Variants in FAM13A observed in about 807,000 individuals in gnomAD.
The protein encoded by FAM13A is family with sequence similarity 13 member A.
Under a neutral mutation model 129.6 loss-of-function variants are expected in FAM13A, and 76 were observed. That is an observed-to-expected ratio of 0.59 (90% CI 0.49 to 0.71). The LOEUF is 0.71. Ranked by LOEUF, FAM13A falls within the 30% of genes least tolerant of loss-of-function variation. FAM13A has a pLI of 0.00. For synonymous variants in FAM13A, 443 were observed against 449.9 expected (o/e 0.98, Z 0.20); for missense variants, 1,108 against 1,249.3 (o/e 0.89, Z 1.70).
chr4:88,730,320 A>G (rs946869445), intron 23 of FAM13A, among the ~76,000 whole-genome samples: 1 of 152,218 alleles, frequency 6.6e-6, no homozygotes, highest in Non-Finnish European at 1.5e-5. Context: ...GCTTGTAAAC[A>G]TGAAAGACTA....
chr4:88,757,237 GACTA>G (rs1418308070), intron 14 of FAM13A, among the ~76,000 whole-genome samples: 6 of 152,070 alleles, frequency 3.9e-5, no homozygotes, highest in Admixed American at 1.3e-4. Flanking sequence ...ATAAATTTAT[GACTA>G]ACCAAGATAA....
At chr4:88,828,908 A>G (rs1733460482) in intron 7 of FAM13A, among the ~76,000 whole-genome samples, 1 of 152,258 alleles carries the variant, frequency 6.6e-6, no homozygotes, top group Admixed American at 6.5e-5. Context: ...TCTTTTAAGC[A>G]TTCTACATTA....
intron 1 of FAM13A, among the ~76,000 whole-genome samples, chr4:89,046,260 C>T (rs1770841793): frequency 6.6e-6 from 1 of 151,754 alleles, no homozygotes; most frequent in Admixed American, 6.6e-5. Flanking sequence ...AAAGTATAAC[C>T]ATGTAATATG....
intron 6 of FAM13A, among the ~76,000 whole-genome samples, chr4:88,863,604 A>G (rs2150044231): frequency 6.6e-6 from 1 of 152,276 alleles, no homozygotes; most frequent in East Asian, 1.9e-4. Flanking sequence ...GAAATTGGGG[A>G]CAGTCTTGTG....
intron 19 of FAM13A, among the ~76,000 whole-genome samples, chr4:88,743,938 AAGG>A (rs1208034370): frequency 6.6e-6 from 1 of 152,184 alleles, no homozygotes. Context: ...AAACTGCTAG[AAGG>A]AGAAGACAAA....
intron 4 of FAM13A, among the ~76,000 whole-genome samples, chr4:88,944,100 A>T (rs1450319900): frequency 6.6e-6 from 1 of 152,104 alleles, no homozygotes; most frequent in Non-Finnish European, 1.5e-5. Flanking sequence ...ATGGTGGCTC[A>T]CATGTGCAAT....
chr4:88,887,981 T>C (rs1270074878), intron 6 of FAM13A, among the ~76,000 whole-genome samples: 1 of 152,244 alleles, frequency 6.6e-6, no homozygotes, highest in African/African-American at 2.4e-5. Flanking sequence ...TATGCAAGAT[T>C]TAAAAATCAA....
chr4:88,751,586 T>C (rs1382058614), intron 14 of FAM13A, among the ~76,000 whole-genome samples: 3 of 147,318 alleles, frequency 2.0e-5, no homozygotes, highest in South Asian at 4.5e-4. Flanking sequence ...AGGACAAATC[T>C]GTACAAATCA....
chr4:88,954,194 T>C (rs1477047129), intron 4 of FAM13A, among the ~76,000 whole-genome samples: 1 of 152,228 alleles, frequency 6.6e-6, no homozygotes, highest in Non-Finnish European at 1.5e-5. Flanking sequence ...TGCTATATAC[T>C]CCTGTATTCT....
At chr4:88,847,539 G>C (rs1258661227) in intron 7 of FAM13A, among the ~76,000 whole-genome samples, 1 of 152,200 alleles carries the variant, frequency 6.6e-6, no homozygotes, top group Non-Finnish European at 1.5e-5. Flanking sequence ...CTCACTTCTT[G>C]ATTTGTATCT....
At chr4:88,736,975 A>G (rs988410569) in intron 21 of FAM13A, among the ~76,000 whole-genome samples, 10 of 152,338 alleles carry the variant, frequency 6.6e-5, no homozygotes, top group African/African-American at 1.9e-4. Flanking sequence ...GACTACTAAG[A>G]TATTTGTAGA....
At chr4:88,766,247 G>A (rs539088027) in intron 13 of FAM13A, among the ~76,000 whole-genome samples, 1 of 152,264 alleles carries the variant, frequency 6.6e-6, no homozygotes, top group South Asian at 2.1e-4. Flanking sequence ...GGCAGTGAAA[G>A]GATAAAACCA....
At chr4:88,767,172 T>C (rs1745847821) in intron 13 of FAM13A, among the ~76,000 whole-genome samples, 1 of 152,228 alleles carries the variant, frequency 6.6e-6, no homozygotes, top group Non-Finnish European at 1.5e-5. Flanking sequence ...TTTTGTTAAT[T>C]TGAAGATTCA....
intron 4 of FAM13A, among the ~76,000 whole-genome samples, chr4:88,957,034 A>G (rs1757857294): frequency 6.6e-6 from 1 of 152,122 alleles, no homozygotes; most frequent in Non-Finnish European, 1.5e-5. Context: ...TAGTTATTTA[A>G]AAGTGTGTGG....
chr4:88,739,452 G>T (rs1739717295), intron 19 of FAM13A, among the ~76,000 whole-genome samples: 1 of 151,602 alleles, frequency 6.6e-6, no homozygotes, highest in African/African-American at 2.4e-5. Context: ...CTGAGCCCAG[G>T]GAAAGTGAAA....
At chr4:88,822,995 C>T (rs1213531273) in intron 7 of FAM13A, 1 of 1,613,428 alleles carries the variant, frequency 6.2e-7, no homozygotes, top group African/African-American at 1.3e-5. Flanking sequence ...GGCATGATTT[C>T]ACAAGCCATT....
intron 7 of FAM13A, chr4:88,822,844 GA>G: frequency 2.4e-6 from 3 of 1,256,444 alleles, no homozygotes; most frequent in Non-Finnish European, 3.2e-6. Context: ...TCTTAGGGAG[GA>G]ACCATATGTA....
chr4:88,751,953 A>G (rs1742719128), intron 14 of FAM13A, among the ~76,000 whole-genome samples: 1 of 152,194 alleles, frequency 6.6e-6, no homozygotes, highest in South Asian at 2.1e-4. Context: ...AAATGTGCAA[A>G]ACTATCTTAA....
chr4:88,843,921 G>C (rs559645456), intron 7 of FAM13A, among the ~76,000 whole-genome samples: 12 of 152,318 alleles, frequency 7.9e-5, no homozygotes, highest in African/African-American at 2.9e-4. Flanking sequence ...AGGGTGGGCA[G>C]TACAGGGTTC....
Sources: gnomAD v4.1 joint callset for allele counts (sites outside exome capture counted in the v4.1 genomes callset) on GRCh38, gnomAD v4.1.1 for gene constraint, MANE v1.5 for transcripts, NCBI Gene and HGNC (gene_info 2026-07-23, HGNC 2026-07-21) for gene names.